MYO16: variants seen among roughly 807,000 people sequenced by gnomAD.
MYO16 encodes the protein unconventional myosin-XVI.
Under a neutral mutation model 205.3 loss-of-function variants are expected in MYO16, and 94 were observed. The observed-to-expected ratio is 0.46, with a 90% confidence interval of 0.39 to 0.54. The LOEUF is 0.54. MYO16 is among the 20% of genes least tolerant of loss of function. The probability of loss-of-function intolerance (pLI) is 0.00; values close to 1 mark genes in which losing one functional copy is unlikely to be tolerated. For synonymous variants in MYO16, 988 were observed against 954.0 expected, an observed-to-expected ratio of 1.04 and a Z score of -0.66; for missense variants, 2,315 against 2,387.5, an observed-to-expected ratio of 0.97 and a Z score of 0.63.
intron 1 of MYO16, among the ~76,000 whole-genome samples, chr13:108,604,812 G>C (rs1164375380): frequency 1.3e-5 from 2 of 152,152 alleles, no homozygotes; most frequent in African/African-American, 2.4e-5. Flanking sequence ...GTCAGCCTTA[G>C]AGAGCAGGTA....
Position 108,729,589 on chromosome 13 carries a change from G to A in MYO16, c.507+2006G>A, listed in dbSNP as rs140472018. On this transcript the variant is annotated intron_variant, in intron 4 of 34. Coordinates refer to ENST00000457511, the MANE Select transcript of MYO16 (RefSeq NM_001198950.3). The stretch of plus-strand genomic sequence containing the variant: ...TAATTATTATTAATTAAATTAAGCC[G>A]TGCCAAAAGAAGCTCTTTCTTCCTG... Among the ~76,000 whole-genome samples the A allele has an allele frequency of 3.6e-3, 543 of 151,804 alleles. 4 individuals carry two copies. The highest frequency in any genetic ancestry group is 0.012 in the African/African-American group (510 of 41,436).
intron 23 of MYO16, among the ~76,000 whole-genome samples, chr13:109,046,619 A>G (rs1261068373): frequency 6.6e-6 from 1 of 152,212 alleles, no homozygotes; most frequent in Non-Finnish European, 1.5e-5. Flanking sequence ...AGCAAGTTAG[A>G]GTCCTTAAGA....
chr13:108,969,054 C>A (rs1883910534), intron 20 of MYO16, among the ~76,000 whole-genome samples: 1 of 152,162 alleles, frequency 6.6e-6, no homozygotes, highest in African/African-American at 2.4e-5. Context: ...GTCTAATGCA[C>A]AAAGGTATGT....
intron 3 of MYO16, among the ~76,000 whole-genome samples, chr13:108,725,800 A>G (rs892911027): frequency 1.3e-5 from 2 of 151,980 alleles, no homozygotes; most frequent in Admixed American, 6.6e-5. Flanking sequence ...AAATTTAGCC[A>G]CCCTGGTCTC....
chr13:108,654,143 C>T (rs1881138445), intron 1 of MYO16, among the ~76,000 whole-genome samples: 1 of 151,918 alleles, frequency 6.6e-6, no homozygotes, highest in South Asian at 2.1e-4. Flanking sequence ...GCTGACAGGG[C>T]AATTGTCTAG....
At chr13:109,044,104 T>C (rs1457292312) in intron 23 of MYO16, among the ~76,000 whole-genome samples, 2 of 152,010 alleles carry the variant, frequency 1.3e-5, no homozygotes, top group East Asian at 3.9e-4. Context: ...ATTGACCATG[T>C]CATTCACTAC....
intron 28 of MYO16, among the ~76,000 whole-genome samples, chr13:109,115,174 C>T (rs1875612814): frequency 1.4e-5 from 2 of 144,870 alleles, no homozygotes; most frequent in African/African-American, 2.5e-5. Context: ...ACACAGCTTC[C>T]GTGCCACCTA....
the MYO16 span, among the ~76,000 whole-genome samples, chr13:108,532,964 C>T: frequency 6.6e-6 from 1 of 152,010 alleles, no homozygotes; most frequent in Non-Finnish European, 1.5e-5. Context: ...AGCCAGCTGG[C>T]CTCCACTGTG....
At chr13:108,508,672 A>C in the MYO16 span, among the ~76,000 whole-genome samples, 2 of 152,144 alleles carry the variant, frequency 1.3e-5, no homozygotes, top group African/African-American at 4.8e-5. Flanking sequence ...GTTTTCTCCC[A>C]GCTGTGCTGA....
chr13:108,683,225 A>G (rs1444290566), intron 2 of MYO16, among the ~76,000 whole-genome samples: 1 of 152,166 alleles, frequency 6.6e-6, no homozygotes, highest in Non-Finnish European at 1.5e-5. Context: ...TTCTCGATAT[A>G]AGTGCCTTAT....
At chr13:108,890,438 G>C (rs1325419775) in intron 14 of MYO16, among the ~76,000 whole-genome samples, 3 of 152,070 alleles carry the variant, frequency 2.0e-5, no homozygotes, top group Non-Finnish European at 4.4e-5. Context: ...CCTGTGGCAG[G>C]CCGTGGTTGA....
At chr13:109,020,973 T>A (rs1047104210) in intron 23 of MYO16, among the ~76,000 whole-genome samples, 3 of 152,194 alleles carry the variant, frequency 2.0e-5, no homozygotes, top group Non-Finnish European at 4.4e-5. Flanking sequence ...TACATTGATA[T>A]AATAATATCA....
chr13:109,064,713 A>T (rs568726292), intron 27 of MYO16, among the ~76,000 whole-genome samples: 1 of 152,286 alleles, frequency 6.6e-6, no homozygotes, highest in Middle Eastern at 3.4e-3. Flanking sequence ...AGGCTGAATG[A>T]GTGTTACAGA....
intron 6 of MYO16, among the ~76,000 whole-genome samples, chr13:108,798,769 A>G (rs983051543): frequency 8.0e-6 from 1 of 125,234 alleles, no homozygotes; most frequent in Non-Finnish European, 1.6e-5. Context: ...GCAGTGGCGG[A>G]ATCTCGGCTC....
chr13:109,053,826 G>T (rs1185376143), intron 25 of MYO16, among the ~76,000 whole-genome samples: 4 of 152,072 alleles, frequency 2.6e-5, no homozygotes, highest in African/African-American at 9.7e-5. Flanking sequence ...AACTGAGCAT[G>T]ACACGTTGTA....
chr13:108,909,517 C>G (rs1259354237), intron 15 of MYO16, among the ~76,000 whole-genome samples: 1 of 151,722 alleles, frequency 6.6e-6, no homozygotes, highest in Non-Finnish European at 1.5e-5. Context: ...TCCAGTGTTT[C>G]TGGCAGTGAG....
intron 16 of MYO16, among the ~76,000 whole-genome samples, chr13:108,923,627 A>G (rs116652605): frequency 0.016 from 2,368 of 152,260 alleles, 69 homozygotes; most frequent in African/African-American, 0.054. Context: ...TCCTGCTTTC[A>G]CTGCCCCAAT....
rs115036615 is a variant in MYO16, at chr13:108,645,048, A to G, written c.28+15176A>G. Among the ~76,000 whole-genome samples the G allele has an allele frequency of 2.9e-3, 441 of 152,326 alleles. 2 individuals are homozygous for G. Among genetic ancestry groups the G allele is most frequent in the African/African-American group, 9.4e-3 (389 of 41,574 alleles). On this transcript the variant is annotated intron_variant, in intron 1 of 34. Transcript: ENST00000457511. ...CCCTGCACCCCCAGGAAACAGTAGC[A>G]GAGACATCAGGGGTGGGGACAAGAC...
chr13:108,633,730 A>G (rs1880091514), intron 1 of MYO16, among the ~76,000 whole-genome samples: 1 of 152,194 alleles, frequency 6.6e-6, no homozygotes, highest in Non-Finnish European at 1.5e-5. Flanking sequence ...CCAAGGTTAA[A>G]ACCCATTTTT....
Sources: gnomAD v4.1 joint callset for allele counts (sites outside exome capture counted in the v4.1 genomes callset) on GRCh38, gnomAD v4.1.1 for gene constraint, MANE v1.5 for transcripts, NCBI Gene and HGNC (gene_info 2026-07-23, HGNC 2026-07-21) for gene names.